ELAVL2: variants seen among roughly 807,000 people sequenced by gnomAD.
The protein encoded by ELAVL2 is ELAV like RNA binding protein 2.
A neutral mutation model predicts 34.6 loss-of-function variants in ELAVL2; 4 were observed. The ratio of observed to expected loss-of-function variants is 0.12; its 90% CI spans 0.06 to 0.26. The LOEUF (loss-of-function observed/expected upper bound fraction) is 0.26, where lower values mean the gene tolerates loss of function less well. Among genes scored for constraint, ELAVL2 ranks in the 10% least tolerant of loss-of-function variants. The probability of loss-of-function intolerance (pLI) is 1.00; values close to 1 mark genes in which losing one functional copy is unlikely to be tolerated. For missense variants in ELAVL2, 432 were observed against 442.8 expected (o/e 0.98, Z 0.22); for synonymous variants, 193 against 154.8 (o/e 1.25, Z -1.83).
chr9:23,753,473 T>C (rs759146049), intron 2 of ELAVL2, among the ~76,000 whole-genome samples: 18 of 152,144 alleles, frequency 1.2e-4, no homozygotes, highest in Admixed American at 5.2e-4. Flanking sequence ...ATAGTTAAGG[T>C]AGTGAAATAG....
In ELAVL2 at chr9:23,815,070, T is replaced by A. The variant is rs753728545; in HGVS notation, c.-16+10736A>T. ...ACCATCAGCAATGAGGGGAAAAAAA[T>A]GTATTTCTATGTAAACTCCATTTTG... On this transcript the variant is annotated intron_variant, in intron 1 of 6. Coordinates refer to ENST00000397312, the MANE Select transcript of ELAVL2 (RefSeq NM_004432.5). Among the ~76,000 whole-genome samples the A allele has an allele frequency of 4.4e-4, 67 of 152,136 alleles. 1 individual carries two copies. Among genetic ancestry groups the A allele is most frequent in the Non-Finnish European group, 6.5e-4 (44 of 68,006 alleles).
At chr9:23,835,594 T>C in the ELAVL2 span, among the ~76,000 whole-genome samples, 1 of 152,178 alleles carries the variant, frequency 6.6e-6, no homozygotes, top group East Asian at 1.9e-4. Flanking sequence ...ATGTATTGTT[T>C]TGAATAAAAC....
At chr9:23,781,518 CT>C (rs34293408) in intron 1 of ELAVL2, among the ~76,000 whole-genome samples, 308 of 135,722 alleles carry the variant, frequency 2.3e-3, no homozygotes, top group Non-Finnish European at 2.5e-3. Context: ...TTTTTCTTTC[CT>C]TTTTTTTTTT....
At position 23,762,072 on chromosome 9, in the gene ELAVL2, G is replaced by T; in HGVS notation, c.163C>A (p.Leu55Ile). The T allele has an allele frequency of 6.2e-7, 1 of 1,613,420 alleles. No individual in the cohort carries two copies. Among genetic ancestry groups the T allele is most frequent in the Non-Finnish European group, 8.5e-7 (1 of 1,179,560 alleles). ...CCAATGCTCCCAAAGAGACTCTTTA[G>T]TTCCTCCTGTGTCATGTTCTGAGGA... ...YLPQNMTQEE[L>I]KSLFGSIGEI... The change falls in exon 2 of 7, where the codon CTA becomes ATA. Residue 55 changes from leucine to isoleucine, a missense_variant. By Grantham distance (5) the Leu-to-Ile change is conservative (BLOSUM62 2). Transcript: ENST00000397312.
intron 3 of ELAVL2, among the ~76,000 whole-genome samples, chr9:23,710,401 A>T (rs144958768): frequency 6.6e-6 from 1 of 152,358 alleles, no homozygotes; most frequent in Non-Finnish European, 1.5e-5. Context: ...GCTTTCGTCC[A>T]AACACACAAC....
At chr9:23,782,954 T>C (rs531099698) in intron 1 of ELAVL2, among the ~76,000 whole-genome samples, 13 of 152,256 alleles carry the variant, frequency 8.5e-5, no homozygotes, top group African/African-American at 1.9e-4. Context: ...CAGCTTCCCA[T>C]CTCAGTTGCT....
intron 1 of ELAVL2, among the ~76,000 whole-genome samples, chr9:23,783,870 C>T (rs2059372945): frequency 6.6e-6 from 1 of 152,072 alleles, no homozygotes. Context: ...AAATAAAGGG[C>T]AAAGTACACA....
upstream of ELAVL2, chr9:23,829,800 C>T (rs901206587): frequency 1.3e-5 from 2 of 152,074 alleles, no homozygotes; most frequent in Non-Finnish European, 2.9e-5. Context: ...GACGAGCAGC[C>T]CTCAAATTAA....
At chr9:23,775,082 G>C (rs1173440041) in intron 1 of ELAVL2, among the ~76,000 whole-genome samples, 1 of 152,100 alleles carries the variant, frequency 6.6e-6, no homozygotes. Context: ...ACTTTCCGTG[G>C]GATTTGAGTA....
At chr9:23,842,142 A>G in the ELAVL2 span, among the ~76,000 whole-genome samples, 1 of 152,170 alleles carries the variant, frequency 6.6e-6, no homozygotes, top group African/African-American at 2.4e-5. Flanking sequence ...GGTTTCCAAA[A>G]CGTGGCTCTT....
At chr9:23,736,631 G>T (rs947265982) in intron 2 of ELAVL2, among the ~76,000 whole-genome samples, 4 of 152,092 alleles carry the variant, frequency 2.6e-5, no homozygotes, top group African/African-American at 4.8e-5. Context: ...TGCCACACCC[G>T]CATCACGTTC....
intron 3 of ELAVL2, among the ~76,000 whole-genome samples, chr9:23,717,969 T>G (rs2042735220): frequency 6.6e-6 from 1 of 152,116 alleles, no homozygotes; most frequent in Admixed American, 6.6e-5. Flanking sequence ...CTCAAAAACT[T>G]TTACATTTGC....
intron 1 of ELAVL2, among the ~76,000 whole-genome samples, chr9:23,783,246 C>T (rs2059293255): frequency 6.6e-6 from 1 of 152,140 alleles, no homozygotes; most frequent in African/African-American, 2.4e-5. Context: ...CTTTAGTCCT[C>T]CAAATTAAAA....
intron 1 of ELAVL2, among the ~76,000 whole-genome samples, chr9:23,789,749 G>A (rs538163596): frequency 6.6e-6 from 1 of 152,242 alleles, no homozygotes; most frequent in East Asian, 1.9e-4. Flanking sequence ...CCCTTCCCCA[G>A]AAAAGTAAAT....
In ELAVL2 at chr9:23,825,957, G is replaced by A. The variant is rs966776094; in HGVS notation, c.-167C>T. On this transcript the variant is annotated 5_prime_UTR_variant, in exon 1 of 7. Transcript: ENST00000397312. ...TTAAAAGAAGCAAATAAAAAGAAAC[G>A]CTTTCGACCCCAAAGTCCAATGCTA... 6.6e-6 allele frequency: 1 copy of A among 152,016 alleles called. No homozygotes were observed. The highest frequency in any genetic ancestry group is 1.5e-5 in the Non-Finnish European group (1 of 67,994). 9.4% of individuals were successfully genotyped at this position (152,016 alleles called of 1,614,324 possible).
At chr9:23,758,354 A>G (rs193195288) in intron 2 of ELAVL2, among the ~76,000 whole-genome samples, 3 of 152,176 alleles carry the variant, frequency 2.0e-5, no homozygotes, top group Admixed American at 2.0e-4. Context: ...TTTCTAGACT[A>G]TTTTACTCAA....
chr9:23,745,515 T>C (rs984638112), intron 2 of ELAVL2, among the ~76,000 whole-genome samples: 14 of 152,036 alleles, frequency 9.2e-5, no homozygotes, highest in African/African-American at 2.7e-4. Flanking sequence ...AACAATTACA[T>C]TTACAATTCA....
the ELAVL2 span, among the ~76,000 whole-genome samples, chr9:23,835,955 G>A: frequency 6.6e-6 from 1 of 152,144 alleles, no homozygotes; most frequent in Admixed American, 6.6e-5. Flanking sequence ...GTCAAGCCCA[G>A]TCATCTGACT....
At chr9:23,713,414 A>T (rs1435417797) in intron 3 of ELAVL2, among the ~76,000 whole-genome samples, 1 of 152,182 alleles carries the variant, frequency 6.6e-6, no homozygotes, top group East Asian at 1.9e-4. Context: ...AAGTCTAAGC[A>T]GGAACTTGTC....
Sources: allele counts gnomAD v4.1 joint callset (sites outside exome capture counted in the v4.1 genomes callset), GRCh38; gene constraint gnomAD v4.1.1; transcripts MANE v1.5; gene names NCBI Gene and HGNC (gene_info 2026-07-23, HGNC 2026-07-21).